Variants in ADAMTS7 observed in about 807,000 individuals in gnomAD.
ADAMTS7 encodes the protein A disintegrin and metalloproteinase with thrombospondin motifs 7.
Under a neutral mutation model 172.6 loss-of-function variants are expected in ADAMTS7, and 89 were observed. The ratio of observed to expected loss-of-function variants is 0.52; its 90% CI spans 0.43 to 0.61. The LOEUF (loss-of-function observed/expected upper bound fraction) is 0.61. Ranked by LOEUF, ADAMTS7 falls within the 20% of genes least tolerant of loss-of-function variation. The probability of loss-of-function intolerance (pLI) is 0.00; values close to 1 mark genes in which losing one functional copy is unlikely to be tolerated. For missense variants in ADAMTS7, 1,973 were observed against 2,355.6 expected (o/e 0.84, Z 3.36); for synonymous variants, 885 against 978.4 (o/e 0.90, Z 1.78).
In ADAMTS7 at chr15:78,778,959, G is replaced by T. The variant is rs182104515; in HGVS notation, c.1323-1371C>A. Among the ~76,000 whole-genome samples the T allele has an allele frequency of 3.9e-5, 6 of 152,262 alleles. No homozygotes were observed. In the East Asian group the frequency reaches 1.2e-3, roughly 29 times the overall value. ...GCAGGTGTGGAGAGAGGCTGGGAGG[G>T]TGGATCAGACCATGGACTCCCGAAG... On this transcript the variant is annotated intron_variant, in intron 8 of 23. Coordinates refer to ENST00000388820, the MANE Select transcript of ADAMTS7 (RefSeq NM_014272.5).
At position 78,776,348 on chromosome 15, in the gene ADAMTS7, G is replaced by A. The variant is rs1281679805; in HGVS notation, c.1561-15C>T. The A allele has an allele frequency of 3.7e-6, 6 of 1,606,906 alleles. No individual in the cohort carries two copies. The highest frequency in any genetic ancestry group is 1.1e-5 in the South Asian group (1 of 90,606). ...CTGAGACACCACTACTGAGACAGACGGAGGTAGAGCCACCCCACCCCCAAG... is the reference window on the plus strand; with the variant it reads ...CTGAGACACCACTACTGAGACAGACAGAGGTAGAGCCACCCCACCCCCAAG... On this transcript the variant is annotated splice_polypyrimidine_tract_variant and intron_variant, in intron 10 of 23. Transcript: ENST00000388820.
rs1438855595 is a variant in ADAMTS7, at chr15:78,790,792, C to G, written c.906G>C (p.Glu302Asp). Residue 302 changes from glutamate (E) to aspartate (D), a missense_variant and splice_region_variant, in exon 6 of 24, where the codon GAG (glutamate) becomes GAC (aspartate). Coordinates refer to ENST00000388820, the MANE Select transcript of ADAMTS7 (RefSeq NM_014272.5). ...CTGCATGGTGCGTGATCTTTAGGTC[C>G]TCCTGGGGGCAGAGAGAGTGACTGC... ...VRLVLLEDEE[E>D]DLKITHHADN... The G allele has an allele frequency of 3.1e-6, 5 of 1,613,440 alleles. No individual in the cohort carries two copies. Among genetic ancestry groups the G allele is most frequent in the Non-Finnish European group, 4.2e-6 (5 of 1,179,848 alleles).
Position 78,773,158 on chromosome 15 carries a change from G to C in ADAMTS7, c.2056C>G (p.Arg686Gly). The change falls in exon 14 of 24, where the codon CGC becomes GGC. Residue 686 changes from arginine to glycine, a missense_variant. Physicochemically the swap from Arg to Gly is moderately radical, Grantham distance 125 (BLOSUM62 -2). This residue lies in a region of ADAMTS7 where 13 missense variants were observed against 43.9 expected (regional missense o/e 0.30). Transcript: ENST00000388820. The stretch of plus-strand genomic sequence containing the variant: ...CCGTTGCCGTGGCACACACCACAGC[G>C]GTCCTCCATAGCACCGGAGTCAATC... ...FEIDSGAMED[R>G]CGVCHGNGST... The C allele has an allele frequency of 2.0e-6, 3 of 1,500,018 alleles. No individual in the cohort carries two copies. Among genetic ancestry groups the C allele is most frequent in the Non-Finnish European group, 2.7e-6 (3 of 1,095,650 alleles). 92.9% of individuals were successfully genotyped at this position (1,500,018 alleles called of 1,614,324 possible). A position where few individuals can be genotyped will look rare whatever the true frequency, so the allele number is the denominator to read the frequency against.
intron 8 of ADAMTS7, among the ~76,000 whole-genome samples, chr15:78,787,578 C>G (rs1348109355): frequency 2.0e-5 from 3 of 152,106 alleles, no homozygotes; most frequent in African/African-American, 7.2e-5. Flanking sequence ...GCAGGAGAAT[C>G]GCTTGAACCC....
Position 78,781,834 on chromosome 15 carries a change from G to C in ADAMTS7, c.1323-4246C>G, listed in dbSNP as rs563616393. On this transcript the variant is annotated intron_variant, in intron 8 of 23. Transcript: ENST00000388820. ...TCAAGTCCATCCCATCTATCACTTG[G>C]TAACAGTGGAAGGAATAGTAATGAG... is the stretch of plus-strand genomic sequence containing the variant. 1.4e-3 allele frequency among the ~76,000 whole-genome samples: 210 copies of C among 152,316 alleles called. 5 individuals carry two copies. In the South Asian group the frequency reaches 0.023, roughly 17 times the overall value.
At position 78,771,490 on chromosome 15, in the gene ADAMTS7, G is replaced by A. The variant is rs2055248116; in HGVS notation, c.2376+95C>T. 8 of 1,540,614 alleles carry A rather than the reference G, an allele frequency of 5.2e-6. No individual in the cohort carries two copies. Among genetic ancestry groups the A allele is most frequent in the Non-Finnish European group, 7.0e-6 (8 of 1,146,742 alleles). On this transcript the variant is annotated intron_variant, in intron 15 of 23. Transcript: ENST00000388820. The surrounding 1 kb of genome is among the most constrained non-coding windows in gnomAD (Gnocchi z 4.9). The stretch of plus-strand genomic sequence containing the variant: ...AGAGCCAGGCTCTGTGACTGAACCA[G>A]GGCTCACTCCTCCAGGACGAGACCT...
intron 2 of ADAMTS7, 132 bp from the exon 3 acceptor site, chr15:78,798,245 G>A (rs1372221730): frequency 1.2e-6 from 1 of 837,888 alleles, no homozygotes; most frequent in Middle Eastern, 3.6e-4. Context: ...CGGACACACT[G>A]TACTTTCCTC....
At chr15:78,781,953 C>G (rs1311758059) in intron 8 of ADAMTS7, among the ~76,000 whole-genome samples, 1 of 152,158 alleles carries the variant, frequency 6.6e-6, no homozygotes, top group Non-Finnish European at 1.5e-5. Context: ...AAGGCAGGCC[C>G]ATCATCATGT....
chr15:78,785,221 G>A (rs996208321), intron 8 of ADAMTS7, among the ~76,000 whole-genome samples: 2 of 152,118 alleles, frequency 1.3e-5, no homozygotes, highest in African/African-American at 4.8e-5. Context: ...GAGAAGCAAT[G>A]AAAACCAAGC....
intron 8 of ADAMTS7, among the ~76,000 whole-genome samples, chr15:78,787,911 G>A (rs543750463): frequency 1.3e-5 from 2 of 152,052 alleles, no homozygotes; most frequent in African/African-American, 4.8e-5. Flanking sequence ...CCTTTCTCAG[G>A]CTTCCTCTAC....
Position 78,764,718 on chromosome 15 carries a change from G to A in ADAMTS7, c.4267-11C>T, listed in dbSNP as rs1270443293. On this transcript the variant is annotated splice_polypyrimidine_tract_variant and intron_variant, in intron 19 of 23. Coordinates refer to ENST00000388820, the MANE Select transcript of ADAMTS7 (RefSeq NM_014272.5). The stretch of plus-strand genomic sequence containing the variant: ...ACAGGTGGTAGAGCACTGCGGGGCA[G>A]AGACCCGTGAAAGCCAGGCAGATCC... 6 of 1,490,602 alleles carry A rather than the reference G, an allele frequency of 4.0e-6. No individual in the cohort carries two copies. In the South Asian group the frequency reaches 8.0e-5, roughly 20 times the overall value. The allele number at this position is 1,490,602 out of a possible 1,614,324, so 92.3% of individuals were successfully genotyped here.
intron 2 of ADAMTS7, among the ~76,000 whole-genome samples, 194 bp from the exon 3 acceptor site, chr15:78,798,307 C>T (rs532496204): frequency 6.6e-6 from 1 of 152,310 alleles, no homozygotes; most frequent in East Asian, 1.9e-4. Flanking sequence ...CCCTTCTCTG[C>T]CATTTCACAC....
intron 9 of ADAMTS7, 200 bp downstream of exon 9, chr15:78,777,244 C>T (rs1175212911): frequency 2.3e-5 from 17 of 744,138 alleles, no homozygotes. Context: ...CATGGTTGAC[C>T]CAGAATTCAG....
Position 78,800,197 on chromosome 15 carries a change from C to T in ADAMTS7, c.451G>A (p.Gly151Ser). Residue 151 changes from glycine (G) to serine (S), a missense_variant, in exon 2 of 24, where the codon GGC becomes AGC. This residue lies in a region of ADAMTS7 where 306 missense variants were observed against 288.0 expected (regional missense o/e 1.06). Coordinates refer to ENST00000388820, the MANE Select transcript of ADAMTS7 (RefSeq NM_014272.5). The stretch of plus-strand genomic sequence containing the variant: ...ACATGTCCCAGCTCACTCACCAGGC[C>T]GTCGCAGGCGCTGATGGCCGCCAGG... The part of the protein sequence containing the change: ...GGLAAISACD[G>S]LKGVFQLSNE... 1.3e-6 allele frequency: 2 copies of T among 1,592,970 alleles called. No individual in the cohort carries two copies. The highest frequency in any genetic ancestry group is 2.2e-5 in the South Asian group (2 of 90,676).
At chr15:78,761,778 T>G in intron 23 of ADAMTS7, 1 of 922,386 alleles carries the variant, frequency 1.1e-6, no homozygotes, top group Non-Finnish European at 1.3e-6. Flanking sequence ...GCACACATGC[T>G]GGAGGCGGCG....
chr15:78,778,208 G>A (rs2055380211), intron 8 of ADAMTS7, among the ~76,000 whole-genome samples: 1 of 152,204 alleles, frequency 6.6e-6, no homozygotes, highest in African/African-American at 2.4e-5. Flanking sequence ...CGGTAGCGGG[G>A]AAACTGGCAG....
chr15:78,784,644 C>G (rs1213788157), intron 8 of ADAMTS7, among the ~76,000 whole-genome samples: 1 of 151,734 alleles, frequency 6.6e-6, no homozygotes, highest in East Asian at 1.9e-4. Flanking sequence ...TAAAATAGAC[C>G]AAGGCATATA....
chr15:78,768,083 G>A, intron 17 of ADAMTS7, 50 bp downstream of exon 17: 1 of 1,199,484 alleles, frequency 8.3e-7, no homozygotes, highest in Non-Finnish European at 1.1e-6. Flanking sequence ...GGGGTGGGGA[G>A]TTGGCGGGGG....
Position 78,763,680 on chromosome 15 carries a change from TC to T in ADAMTS7, c.4740+18del. 1.3e-6 allele frequency: 2 copies of T among 1,516,828 alleles called. No individual in the cohort carries two copies. The allele number at this position is 1,516,828 out of a possible 1,614,324, so 94.0% of individuals were successfully genotyped here. A position where few individuals can be genotyped will look rare whatever the true frequency, so the allele number is the denominator to read the frequency against. ...CCACCAAGCACTTGCTCCCTGCTCC[TC>T]CCCGCAGCCCGGCTCACCTGGCCCC... On this transcript the variant is annotated intron_variant, in intron 22 of 23. Coordinates refer to ENST00000388820, the MANE Select transcript of ADAMTS7 (RefSeq NM_014272.5).
Sources: allele counts gnomAD v4.1 joint callset (sites outside exome capture counted in the v4.1 genomes callset), GRCh38; gene constraint gnomAD v4.1.1; regional missense constraint gnomAD v4.1.1; non-coding constraint Gnocchi (gnomAD v3.1); transcripts MANE v1.5; gene names NCBI Gene and HGNC (gene_info 2026-07-23, HGNC 2026-07-21).